Variants in NEMF observed in about 807,000 individuals in gnomAD.
The protein encoded by NEMF is nuclear export mediator factor, also known as ribosome quality control complex subunit NEMF.
A neutral mutation model predicts 162.2 loss-of-function variants in NEMF; 89 were observed. The observed-to-expected ratio is 0.55, with a 90% CI of 0.46 to 0.65. The LOEUF (loss-of-function observed/expected upper bound fraction) is 0.65, where lower values mean the gene tolerates loss of function less well. Ranked by LOEUF, NEMF falls within the 30% of genes least tolerant of loss-of-function variation. The pLI is 0.00. For missense variants in NEMF, 1,133 were observed against 1,261.9 expected (o/e 0.90, Z 1.55); for synonymous variants, 421 against 404.5 (o/e 1.04, Z -0.49).
intron 6 of NEMF, 55 bp downstream of exon 6, chr14:49,838,084 C>A: frequency 1.5e-6 from 2 of 1,347,558 alleles, no homozygotes; most frequent in East Asian, 2.4e-5. Flanking sequence ...TCAATATATT[C>A]CTGAAAACCA....
Position 49,785,335 on chromosome 14 carries a change from TAACA to T in NEMF, c.2929-19_2929-16del. On this transcript the variant is annotated splice_polypyrimidine_tract_variant and intron_variant, in intron 29 of 32. Coordinates refer to ENST00000298310, the MANE Select transcript of NEMF (RefSeq NM_004713.6). Reference sequence around the variant, plus strand: ...AATAGGTTTTCCTAAAAAGGGAAAATAACAGTTACAAAGGCAATTTATACCGCCC... The same window carrying T: ...AATAGGTTTTCCTAAAAAGGGAAAATGTTACAAAGGCAATTTATACCGCCC... 1.3e-6 allele frequency: 2 copies of T among 1,592,196 alleles called. No individual in the cohort carries two copies. Among genetic ancestry groups the T allele is most frequent in the Non-Finnish European group, 1.7e-6 (2 of 1,160,292 alleles).
At chr14:49,827,673 T>C in intron 15 of NEMF, among the ~76,000 whole-genome samples, 1 of 151,730 alleles carries the variant, frequency 6.6e-6, no homozygotes, top group Admixed American at 6.6e-5. Context: ...ATTAGCTGGG[T>C]GTGGTGGCGG....
intron 6 of NEMF, among the ~76,000 whole-genome samples, chr14:49,837,498 A>C (rs1483765083): frequency 3.3e-5 from 5 of 152,090 alleles, no homozygotes; most frequent in Admixed American, 1.3e-4. Context: ...AACAAACAAA[A>C]AAAATAAATT....
intron 28 of NEMF, 151 bp downstream of exon 28, chr14:49,788,995 T>G (rs1890316819): frequency 1.5e-6 from 1 of 668,760 alleles, no homozygotes; most frequent in African/African-American, 1.8e-5. Flanking sequence ...ACTGCAATTT[T>G]AGTCTTTCAG....
At chr14:49,794,560 A>G (rs1397071026) in intron 26 of NEMF, among the ~76,000 whole-genome samples, 1 of 151,694 alleles carries the variant, frequency 6.6e-6, no homozygotes, top group African/African-American at 2.4e-5. Flanking sequence ...GTATGCTACA[A>G]ACATGCCTGT....
intron 16 of NEMF, among the ~76,000 whole-genome samples, chr14:49,817,097 T>C (rs1891750586): frequency 6.6e-6 from 1 of 152,200 alleles, no homozygotes; most frequent in South Asian, 2.1e-4. Context: ...ATGACAATGA[T>C]ATATATGATG....
chr14:49,806,256 A>ATATATATTTTTT (rs1458069194), intron 18 of NEMF, 123 bp from the exon 19 acceptor site: 1 of 38,542 alleles, frequency 2.6e-5, no homozygotes, highest in Admixed American at 4.4e-4. Flanking sequence ...ATATATATAT[A>ATATATATTTTTT]TTTTTTTTTT....
At chr14:49,815,009 A>T in intron 16 of NEMF, 152 bp from the exon 17 acceptor site, 1 of 577,006 alleles carries the variant, frequency 1.7e-6, no homozygotes, top group Non-Finnish European at 3.0e-6. Context: ...AAAAACCTAT[A>T]ATACAAATTG....
chr14:49,804,151 C>T lies in NEMF; in HGVS notation c.1858-857G>A, dbSNP rs535474654. Reference sequence around the variant, plus strand: ...TCCCAGGTACCTGGGATTACAGGTGCGCACCACCACGCCCGGCTAATTTTT... The same window carrying T: ...TCCCAGGTACCTGGGATTACAGGTGTGCACCACCACGCCCGGCTAATTTTT... On this transcript the variant is annotated intron_variant, in intron 19 of 32. Coordinates refer to ENST00000298310, the MANE Select transcript of NEMF (RefSeq NM_004713.6). Among the ~76,000 whole-genome samples the T allele has an allele frequency of 2.4e-4, 36 of 151,204 alleles. No homozygotes were observed. In the South Asian group the frequency reaches 6.3e-3, roughly 26 times the overall value.
rs774707712 is a variant in NEMF at position 49,851,589 on chromosome 14, T to G, written c.205A>C (p.Met69Leu). The G allele has an allele frequency of 2.7e-5, 44 of 1,613,452 alleles. No individual in the cohort carries two copies. The highest frequency in any genetic ancestry group is 3.6e-5 in the Non-Finnish European group (43 of 1,179,604). Residue 69 changes from methionine (M) to leucine (L), a missense_variant, in exon 3 of 33, where the codon ATG becomes CTG. Physicochemically the swap from Met to Leu is conservative, Grantham distance 15. This residue lies in a region of NEMF where 582 missense variants were observed against 631.5 expected (regional missense o/e 0.92). Transcript: ENST00000298310. ...TTCATGGCAAAACTAGACGGCATCATATTCTTAGGCCACTCAAATTCTGTT... is the reference window on the plus strand; with the variant it reads ...TTCATGGCAAAACTAGACGGCATCAGATTCTTAGGCCACTCAAATTCTGTT... Reference protein sequence around the residue: ...HTTEFEWPKNMMPSSFAMKCR... With the variant: ...HTTEFEWPKNLMPSSFAMKCR...
At position 49,782,113 on chromosome 14, in the gene NEMF, C is replaced by A; in HGVS notation, c.*2523G>T. The A allele has an allele frequency of 2.3e-6, 1 of 431,670 alleles. No homozygotes were observed. The allele number at this position is 431,670 out of a possible 1,614,324, so 26.7% of individuals were successfully genotyped here. A position where few individuals can be genotyped will look rare whatever the true frequency, so the allele number is the denominator to read the frequency against. Reference sequence around the variant, plus strand: ...TACGATTTTTATTGCTAACAAAGACCTAGAGAACAGATCGTTCAGTTCAAA... The same window carrying A: ...TACGATTTTTATTGCTAACAAAGACATAGAGAACAGATCGTTCAGTTCAAA... On this transcript the variant is annotated 3_prime_UTR_variant, in exon 33 of 33. Transcript: ENST00000298310.
intron 16 of NEMF, among the ~76,000 whole-genome samples, chr14:49,824,519 G>A (rs1192621081): frequency 2.1e-5 from 3 of 143,028 alleles, no homozygotes; most frequent in African/African-American, 7.8e-5. Flanking sequence ...ACTCCAGCCT[G>A]GGCAATAAAA....
chr14:49,835,838 A>G (rs545479002), intron 6 of NEMF, among the ~76,000 whole-genome samples: 1 of 152,394 alleles, frequency 6.6e-6, no homozygotes, highest in South Asian at 2.1e-4. Context: ...ACCAATATAT[A>G]GAAATCAATT....
intron 16 of NEMF, 131 bp from the exon 17 acceptor site, chr14:49,814,988 T>G: frequency 1.7e-6 from 1 of 592,896 alleles, no homozygotes; most frequent in Non-Finnish European, 2.9e-6. Flanking sequence ...GGCATCAAGC[T>G]TAATTTTACT....
intron 16 of NEMF, chr14:49,820,581 C>T: frequency 2.3e-6 from 1 of 441,542 alleles, no homozygotes; most frequent in African/African-American, 2.0e-5. Context: ...CTAGCCTGGC[C>T]AATATGGTGA....
At chr14:49,822,934 ATTTTT>A (rs10709782) in intron 16 of NEMF, among the ~76,000 whole-genome samples, 1 of 115,662 alleles carries the variant, frequency 8.6e-6, no homozygotes, top group Admixed American at 9.1e-5. Flanking sequence ...CCCCTTAGAG[ATTTTT>A]TTTTTTTTTT....
At position 49,782,185 on chromosome 14, in the gene NEMF, C is replaced by T. The variant is rs1180815757; in HGVS notation, c.*2451G>A. 3 of 519,470 alleles carry T rather than the reference C, an allele frequency of 5.8e-6. No homozygotes were observed. Among genetic ancestry groups the T allele is most frequent in the South Asian group, 6.2e-5 (2 of 32,052 alleles). The allele number at this position is 519,470 out of a possible 1,614,324, so 32.2% of individuals were successfully genotyped here. On this transcript the variant is annotated 3_prime_UTR_variant, in exon 33 of 33. Transcript: ENST00000298310. ...ACGACCAGAGAGAGAAAATAATATCCAGATAAAATAGATATTGATTGATCT... is the reference window on the plus strand; with the variant it reads ...ACGACCAGAGAGAGAAAATAATATCTAGATAAAATAGATATTGATTGATCT...
At chr14:49,821,750 C>T (rs1287740497) in intron 16 of NEMF, among the ~76,000 whole-genome samples, 1 of 151,208 alleles carries the variant, frequency 6.6e-6, no homozygotes, top group African/African-American at 2.4e-5. Flanking sequence ...TCTGCCCGGC[C>T]GCCCCTACTG....
At chr14:49,803,898 A>G (rs1891069452) in intron 19 of NEMF, among the ~76,000 whole-genome samples, 1 of 152,170 alleles carries the variant, frequency 6.6e-6, no homozygotes. Context: ...TAATGAGAAA[A>G]CTAAGGATAG....
Sources: gnomAD v4.1 joint callset for allele counts (sites outside exome capture counted in the v4.1 genomes callset) on GRCh38, gnomAD v4.1.1 for gene constraint, gnomAD v4.1.1 regional missense constraint, MANE v1.5 for transcripts, NCBI Gene and HGNC (gene_info 2026-07-23, HGNC 2026-07-21) for gene names.